The following SYNE1 variants were observed in gnomAD, a reference collection of about 807,000 sequenced individuals.
The protein encoded by SYNE1 is spectrin repeat containing nuclear envelope protein 1.
Under a neutral mutation model 1,111.0 loss-of-function variants are expected in SYNE1, and 616 were observed. That is an observed-to-expected ratio of 0.55 (90% CI 0.52 to 0.59). The LOEUF is 0.59. SYNE1 is among the 20% of genes least tolerant of loss of function. The pLI, the probability that SYNE1 is intolerant of heterozygous loss-of-function variation, is 0.00. For synonymous variants in SYNE1, 3,855 were observed against 3,825.8 expected (o/e 1.01, Z -0.28); for missense variants, 10,006 against 10,417.0 (o/e 0.96, Z 1.72).
chr6:152,295,926 A>G (rs2094856774), intron 93 of SYNE1, among the ~76,000 whole-genome samples: 1 of 152,252 alleles, frequency 6.6e-6, no homozygotes, highest in South Asian at 2.1e-4. Context: ...AGGATATCAC[A>G]TTTTCTAAAA....
intron 123 of SYNE1, 70 bp downstream of exon 123, chr6:152,213,542 C>A (rs974746380): frequency 6.5e-7 from 1 of 1,539,810 alleles, no homozygotes; most frequent in Non-Finnish European, 9.0e-7. Flanking sequence ...TTCTCCCACA[C>A]AGCATTTCGT....
At chr6:152,328,702 G>A (rs893672790) in intron 78 of SYNE1, among the ~76,000 whole-genome samples, 2 of 152,106 alleles carry the variant, frequency 1.3e-5, no homozygotes, top group Non-Finnish European at 1.5e-5. Context: ...GTGAGCCACC[G>A]CGCCCAGCCC....
chr6:152,168,430 G>A (rs2153064893), intron 130 of SYNE1: 1 of 516,702 alleles, frequency 1.9e-6, no homozygotes, highest in Non-Finnish European at 3.4e-6. Context: ...CTGGAATGTA[G>A]GCCACGAGTG....
chr6:152,336,934 G>A lies in SYNE1; in HGVS notation c.12435C>T (p.Tyr4145=), dbSNP rs1167024658. The change falls in exon 76 of 146, where the codon TAC becomes TAT. Residue 4145 remains tyrosine, a synonymous_variant. Transcript: ENST00000367255. ...IKHLKSELWI[Y]LQDADQQLQN... ...GCAGTTGCTGATCAGCATCTTGCAG[G>A]TAAATCCAGAGCTCAGACTTCAGGT... 1 of 1,614,018 alleles carries A rather than the reference G, an allele frequency of 6.2e-7. No homozygotes were observed. The highest frequency in any genetic ancestry group is 8.5e-7 in the Non-Finnish European group (1 of 1,180,034).
intron 22 of SYNE1, among the ~76,000 whole-genome samples, 177 bp from the exon 23 acceptor site, chr6:152,456,221 T>A (rs553378162): frequency 6.6e-6 from 1 of 151,784 alleles, no homozygotes; most frequent in African/African-American, 2.4e-5. Context: ...TTTTAAACAA[T>A]CACTGAAGTC....
intron 144 of SYNE1, 28 bp downstream of exon 144, chr6:152,132,094 C>T: frequency 6.2e-7 from 1 of 1,604,876 alleles, no homozygotes. Flanking sequence ...TCCCATGGGC[C>T]AACTGAAAAC....
At chr6:152,470,074 TGTA>T (rs1685731271) in intron 16 of SYNE1, among the ~76,000 whole-genome samples, 1 of 152,198 alleles carries the variant, frequency 6.6e-6, no homozygotes, top group South Asian at 2.1e-4. Flanking sequence ...ATGCTACGTA[TGTA>T]GGATAATCAG....
At chr6:152,156,902 A>G (rs1406248586) in intron 131 of SYNE1, among the ~76,000 whole-genome samples, 1 of 152,016 alleles carries the variant, frequency 6.6e-6, no homozygotes, top group Non-Finnish European at 1.5e-5. Flanking sequence ...ATATCAGCTC[A>G]TGGAAACTTC....
rs929905214 is a variant in SYNE1 at position 152,526,260 on chromosome 6, G to T, written c.130-85C>A. On this transcript the variant is annotated intron_variant, in intron 4 of 145. Coordinates refer to ENST00000367255, the MANE Select transcript of SYNE1 (RefSeq NM_182961.4). ...TCTCTCTCTCACCTTTGTTACTTAT[G>T]GTGGTGAAATTTGTAGGAGAGGCTT... The T allele has an allele frequency of 4.3e-6, 6 of 1,404,036 alleles. No individual in the cohort carries two copies. In the African/African-American group the frequency reaches 7.1e-5, roughly 17 times the overall value. The allele number at this position is 1,404,036 out of a possible 1,614,324, so 87.0% of individuals were successfully genotyped here.
At position 152,334,068 on chromosome 6, in the gene SYNE1, C is replaced by G; in HGVS notation, c.12734G>C (p.Cys4245Ser). Residue 4245 changes from cysteine to serine, a missense_variant, in exon 77 of 146, where the codon TGT becomes TCT. By Grantham distance (112) the Cys-to-Ser change is moderately radical. Transcript: ENST00000367255. ...TAGGAACACTTCAACAACATTCATA[C>G]AGTCATGGTAATCTCTTGTTCTCTG... is the stretch of plus-strand genomic sequence containing the variant. ...DLQRTRDYHD[C>S]MNVVEVFLEK... 1 of 1,614,190 alleles carries G rather than the reference C, an allele frequency of 6.2e-7. No individual in the cohort carries two copies. The highest frequency in any genetic ancestry group is 8.5e-7 in the Non-Finnish European group (1 of 1,180,040).
Position 152,359,381 on chromosome 6 carries a change from G to C in SYNE1, c.10377C>G (p.His3459Gln), listed in dbSNP as rs2096893758. The C allele has an allele frequency of 6.2e-7, 1 of 1,614,148 alleles. No individual in the cohort carries two copies. The highest frequency in any genetic ancestry group is 8.5e-7 in the Non-Finnish European group (1 of 1,180,040). Residue 3459 changes from histidine (H) to glutamine (Q), a missense_variant, in exon 65 of 146, where the codon CAC (histidine) becomes CAG (glutamine). Transcript: ENST00000367255. The part of the protein sequence containing the change: ...IEVKGAGMTE[H>Q]YVTQLELQDL... The stretch of plus-strand genomic sequence containing the variant: ...CCTGGAGTTCTAGCTGGGTGACATA[G>C]TGTTCTGTCATGCCAGCCCCTTTGA...
At chr6:152,128,373 T>C (rs1562866790) in intron 145 of SYNE1, 1 of 152,240 alleles carries the variant, frequency 6.6e-6, no homozygotes, top group Non-Finnish European at 1.5e-5. Flanking sequence ...TCTGATATAC[T>C]GCAAGTCTTT....
chr6:152,575,929 C>A (rs965499111), intron 3 of SYNE1, among the ~76,000 whole-genome samples: 1 of 152,246 alleles, frequency 6.6e-6, no homozygotes, highest in Non-Finnish European at 1.5e-5. Context: ...AACAAACTTT[C>A]TCTTATAATT....
intron 21 of SYNE1, among the ~76,000 whole-genome samples, chr6:152,459,965 T>A (rs960596640): frequency 4.0e-5 from 6 of 150,832 alleles, no homozygotes; most frequent in Non-Finnish European, 8.8e-5. Context: ...GTTACCATCC[T>A]GCTACTGCAA....
chr6:152,234,572 T>A lies in SYNE1; in HGVS notation c.20529+96A>T. The stretch of plus-strand genomic sequence containing the variant: ...CTCCCAAAGTGTGGGATTACAGGTG[T>A]GAGCCACCGCACCCGGCCTGACTTC... On this transcript the variant is annotated intron_variant, in intron 111 of 145. Transcript: ENST00000367255. 14 of 1,449,068 alleles carry A rather than the reference T, an allele frequency of 9.7e-6. 1 individual carries two copies. In the South Asian group the frequency reaches 1.6e-4, roughly 17 times the overall value. The allele number at this position is 1,449,068 out of a possible 1,614,324, so 89.8% of individuals were successfully genotyped here. A position where few individuals can be genotyped will look rare whatever the true frequency, so the allele number is the denominator to read the frequency against.
chr6:152,321,689 T>C, intron 83 of SYNE1, 32 bp downstream of exon 83: 1 of 1,613,448 alleles, frequency 6.2e-7, no homozygotes, highest in South Asian at 1.1e-5. Flanking sequence ...TTTGAAATGA[T>C]GGGTAAAGAG....
Position 152,136,602 on chromosome 6 carries a change from C to G in SYNE1, c.25659+16G>C. ...TGTCTCTCTCTGAGTCACCTCCTGC[C>G]CAAAGCTCTACAGACCTGGCACTGC... is the stretch of plus-strand genomic sequence containing the variant. On this transcript the variant is annotated intron_variant, in intron 141 of 145. Coordinates refer to ENST00000367255, the MANE Select transcript of SYNE1 (RefSeq NM_182961.4). The G allele has an allele frequency of 3.7e-6, 6 of 1,612,612 alleles. No individual in the cohort carries two copies. Among genetic ancestry groups the G allele is most frequent in the Non-Finnish European group, 8.5e-7 (1 of 1,180,024 alleles).
At chr6:152,329,002 T>C (rs142830658) in intron 78 of SYNE1, among the ~76,000 whole-genome samples, 2 of 152,298 alleles carry the variant, frequency 1.3e-5, no homozygotes, top group East Asian at 3.9e-4. Context: ...AGACTCTTCA[T>C]CTAGCAGGTG....
chr6:152,313,472 T>C (rs1245347548), intron 87 of SYNE1, among the ~76,000 whole-genome samples: 2 of 151,392 alleles, frequency 1.3e-5, no homozygotes, highest in African/African-American at 4.9e-5. Flanking sequence ...TTCTTTTTTT[T>C]TTTTTTTTTG....
Sources: gnomAD v4.1 joint callset for allele counts (sites outside exome capture counted in the v4.1 genomes callset) on GRCh38, gnomAD v4.1.1 for gene constraint, MANE v1.5 for transcripts, NCBI Gene and HGNC (gene_info 2026-07-23, HGNC 2026-07-21) for gene names.